The following RPS6KA2 variants were observed in gnomAD, a reference collection of about 807,000 sequenced individuals.
RPS6KA2 encodes ribosomal protein S6 kinase A2.
A neutral mutation model predicts 91.8 loss-of-function variants in RPS6KA2; 42 were observed. The ratio of observed to expected loss-of-function variants is 0.46; its 90% CI spans 0.36 to 0.59. The LOEUF (loss-of-function observed/expected upper bound fraction) is 0.59, where lower values mean the gene tolerates loss of function less well. Ranked by LOEUF, RPS6KA2 falls within the 20% of genes least tolerant of loss-of-function variation. RPS6KA2 has a pLI of 0.00. For synonymous variants in RPS6KA2, 414 were observed against 393.6 expected (o/e 1.05, Z -0.61); for missense variants, 798 against 978.5 (o/e 0.82, Z 2.46).
chr6:166,560,900 C>T (rs6917139), intron 1 of RPS6KA2, among the ~76,000 whole-genome samples: 5,200 of 151,864 alleles, frequency 0.034, 306 homozygotes, highest in African/African-American at 0.12. Flanking sequence ...GCTCATTCCA[C>T]GGTCCTTTTG....
At chr6:166,575,735 A>G (rs1289125586) in intron 1 of RPS6KA2, among the ~76,000 whole-genome samples, 1 of 152,216 alleles carries the variant, frequency 6.6e-6, no homozygotes, top group Non-Finnish European at 1.5e-5. Flanking sequence ...CTCTTTATCA[A>G]TGGGAACCAT....
In RPS6KA2 at chr6:166,493,987, A is replaced by G. The variant is rs896718817; in HGVS notation, c.748-3246T>C. The stretch of plus-strand genomic sequence containing the variant: ...CAGTGGTACTGGGGGCAGGGGAAGG[A>G]GGAGACTCTGGGGAGACCCTTGGTG... On this transcript the variant is annotated intron_variant, in intron 8 of 20. Coordinates refer to ENST00000265678, the MANE Select transcript of RPS6KA2 (RefSeq NM_021135.6). The surrounding 1 kb of genome is among the most constrained non-coding windows in gnomAD (Gnocchi z 4.7). Among the ~76,000 whole-genome samples the G allele has an allele frequency of 1.3e-5, 2 of 152,206 alleles. No individual in the cohort carries two copies. The highest frequency in any genetic ancestry group is 4.8e-5 in the African/African-American group (2 of 41,460).
In RPS6KA2 at chr6:166,737,352, A is replaced by C. The variant is rs1234742565; in HGVS notation, c.123+120848T>G. 6.6e-6 allele frequency among the ~76,000 whole-genome samples: 1 copy of C among 152,190 alleles called. No individual in the cohort carries two copies. Among genetic ancestry groups the C allele is most frequent in the African/African-American group, 2.4e-5 (1 of 41,444 alleles). On this transcript the variant is annotated intron_variant, in intron 2 of 21. Coordinates refer to the RPS6KA2 transcript ENST00000503859. The surrounding 1 kb of genome is among the most constrained non-coding windows in gnomAD (Gnocchi z 4.3). The stretch of plus-strand genomic sequence containing the variant: ...GCGGCAGCCTGGTGTGATAATTGGT[A>C]GGTAACCAGTTTGCTTTTCACTCTA...
intron 2 of RPS6KA2, among the ~76,000 whole-genome samples, chr6:166,820,799 T>C (rs568539164): frequency 6.6e-6 from 1 of 152,342 alleles, no homozygotes; most frequent in South Asian, 2.1e-4. Flanking sequence ...GACAGTAAAT[T>C]GCCTCCTTAA....
rs185555050 is a variant in RPS6KA2 at position 166,744,944 on chromosome 6, A to G, written c.123+113256T>C. Among the ~76,000 whole-genome samples the G allele has an allele frequency of 4.6e-5, 7 of 152,256 alleles. No homozygotes were observed. In the East Asian group the frequency reaches 1.4e-3, roughly 29 times the overall value. ...ATGGGTGCACTGGGCTGTATGAGTC[A>G]GCTCAGGCTGCGTAACAAATAACAG... On this transcript the variant is annotated intron_variant, in intron 2 of 21. Transcript: ENST00000503859.
chr6:166,566,637 G>T (rs1784513927), intron 1 of RPS6KA2, among the ~76,000 whole-genome samples: 1 of 152,166 alleles, frequency 6.6e-6, no homozygotes, highest in Admixed American at 6.5e-5. Context: ...ACAGGCCCAT[G>T]GGTCTCTCAC....
chr6:166,679,928 C>T (rs569790370), intron 2 of RPS6KA2, among the ~76,000 whole-genome samples: 5 of 152,204 alleles, frequency 3.3e-5, no homozygotes, highest in Admixed American at 2.0e-4. Flanking sequence ...GACTAGGTGC[C>T]GCAAAGTCCC....
intron 1 of RPS6KA2, among the ~76,000 whole-genome samples, chr6:166,541,066 A>C (rs16899117): frequency 6.6e-6 from 1 of 152,168 alleles, no homozygotes; most frequent in South Asian, 2.1e-4. Context: ...CAGGACTAGC[A>C]CGCGCATGAG....
chr6:166,540,449 GT>G (rs3837032), intron 1 of RPS6KA2, among the ~76,000 whole-genome samples: 118,257 of 151,948 alleles, frequency 0.78, 46,232 homozygotes, highest in East Asian at 0.91. Flanking sequence ...AAAAACAGTG[GT>G]TTTTTTTTGT....
At chr6:166,514,313 CCTGTGGTGATGG>C (rs1200479306) in intron 3 of RPS6KA2, among the ~76,000 whole-genome samples, 1 of 152,176 alleles carries the variant, frequency 6.6e-6, no homozygotes, top group Non-Finnish European at 1.5e-5. Context: ...GGGGAGATGC[CCTGTGGTGATGG>C]CAGCAAGGGG....
chr6:166,591,066 T>C (rs182690238), intron 1 of RPS6KA2, among the ~76,000 whole-genome samples: 1 of 152,330 alleles, frequency 6.6e-6, no homozygotes, highest in East Asian at 1.9e-4. Flanking sequence ...ACATATTAAA[T>C]GCCAGAAGAT....
At chr6:166,794,804 A>G (rs1006045463) in intron 2 of RPS6KA2, among the ~76,000 whole-genome samples, 1 of 147,702 alleles carries the variant, frequency 6.8e-6, no homozygotes, top group African/African-American at 2.5e-5. Flanking sequence ...GAATTGAACA[A>G]TGAGAACACA....
At chr6:166,761,145 C>T (rs914520302) in intron 2 of RPS6KA2, among the ~76,000 whole-genome samples, 1 of 152,130 alleles carries the variant, frequency 6.6e-6, no homozygotes, top group South Asian at 2.1e-4. Context: ...CTCACTGCAA[C>T]CTCCGCCTCC....
At chr6:166,535,749 G>C (rs903512571) in intron 2 of RPS6KA2, among the ~76,000 whole-genome samples, 3 of 152,200 alleles carry the variant, frequency 2.0e-5, no homozygotes, top group Non-Finnish European at 2.9e-5. Flanking sequence ...CCTGATTCAA[G>C]CTTTAAATTG....
intron 10 of RPS6KA2, among the ~76,000 whole-genome samples, chr6:166,484,876 A>G (rs373055788): frequency 4.6e-5 from 7 of 152,386 alleles, no homozygotes; most frequent in African/African-American, 1.7e-4. Flanking sequence ...TGTTTTCATA[A>G]GTGAATTTCG....
intron 1 of RPS6KA2, among the ~76,000 whole-genome samples, chr6:166,602,953 A>G (rs1202563742): frequency 3.9e-5 from 6 of 152,210 alleles, no homozygotes; most frequent in Admixed American, 6.5e-5. Flanking sequence ...CTGCAAGCCA[A>G]TGGTCTATCC....
chr6:166,477,266 A>G (rs751295032), intron 10 of RPS6KA2, among the ~76,000 whole-genome samples: 9 of 152,094 alleles, frequency 5.9e-5, no homozygotes, highest in Non-Finnish European at 1.0e-4. Context: ...TAACTCACTT[A>G]GACACGGTTT....
At chr6:166,428,146 G>A (rs1024733202) in intron 16 of RPS6KA2, among the ~76,000 whole-genome samples, 46 of 152,048 alleles carry the variant, frequency 3.0e-4, no homozygotes, top group Middle Eastern at 3.4e-3. Context: ...CAGAAATAAC[G>A]CCGCTTATCT....
At chr6:166,802,657 C>G (rs1435228824) in intron 2 of RPS6KA2, among the ~76,000 whole-genome samples, 1 of 152,176 alleles carries the variant, frequency 6.6e-6, no homozygotes, top group African/African-American at 2.4e-5. Context: ...CAGTTTGCAG[C>G]TGGAGAAACT....
Sources: gnomAD v4.1 joint callset for allele counts (sites outside exome capture counted in the v4.1 genomes callset) on GRCh38, gnomAD v4.1.1 for gene constraint, Gnocchi (gnomAD v3.1) non-coding constraint, MANE v1.5 for transcripts, NCBI Gene and HGNC (gene_info 2026-07-23, HGNC 2026-07-21) for gene names.